HYDIN: variants seen among roughly 807,000 people sequenced by gnomAD.
HYDIN encodes HYDIN axonemal central pair apparatus protein, also known as axonemal central pair apparatus protein HYDIN.
HYDIN carries 132 observed loss-of-function variants against 403.9 expected under a neutral mutation model. That is an observed-to-expected ratio of 0.33 (90% CI 0.28 to 0.38). HYDIN has a LOEUF of 0.38. Ranked by LOEUF, HYDIN falls within the 10% of genes least tolerant of loss-of-function variation. HYDIN has a pLI of 1.00. For missense variants in HYDIN, 2,827 were observed against 5,009.5 expected (o/e 0.56, Z 13.15); for synonymous variants, 1,202 against 1,891.7 (o/e 0.64, Z 9.46).
At chr16:71,225,154 A>G (rs1339848655) in intron 1 of HYDIN, among the ~76,000 whole-genome samples, 2 of 152,206 alleles carry the variant, frequency 1.3e-5, no homozygotes, top group African/African-American at 4.8e-5. Context: ...AGAGCTCTGA[A>G]GTTGAATGAG....
In HYDIN at chr16:71,011,876, T is replaced by C. The variant is rs544023252; in HGVS notation, c.3644+6253A>G. The stretch of plus-strand genomic sequence containing the variant: ...CATATTGGCTGGCTGGCGCTCATCA[T>C]AGAAAAATCAGTGTGAGAATAACAT... On this transcript the variant is annotated intron_variant, in intron 23 of 85. Coordinates refer to ENST00000393567, the MANE Select transcript of HYDIN (RefSeq NM_001270974.2). Among the ~76,000 whole-genome samples, 71 of 151,690 alleles carry C rather than the reference T, an allele frequency of 4.7e-4. No individual in the cohort carries two copies. In the South Asian group the frequency reaches 5.5e-3, roughly 12 times the overall value.
At chr16:71,094,658 G>A (rs1207335228) in intron 10 of HYDIN, among the ~76,000 whole-genome samples, 5 of 152,284 alleles carry the variant, frequency 3.3e-5, no homozygotes, top group African/African-American at 7.2e-5. Context: ...GCATTTTTAC[G>A]TACACACACA....
chr16:70,850,921 T>G (rs998782395), intron 73 of HYDIN, among the ~76,000 whole-genome samples: 1 of 151,814 alleles, frequency 6.6e-6, no homozygotes, highest in Admixed American at 6.6e-5. Context: ...TCAACAAAAA[T>G]AAGCAATGAG....
chr16:70,923,948 G>A (rs1472278685), intron 45 of HYDIN, among the ~76,000 whole-genome samples: 1 of 151,822 alleles, frequency 6.6e-6, no homozygotes, highest in African/African-American at 2.4e-5. Context: ...GGTTGATTGA[G>A]GAAAAACAAA....
At chr16:71,036,907 A>C (rs1315737734) in intron 18 of HYDIN, among the ~76,000 whole-genome samples, 1 of 152,088 alleles carries the variant, frequency 6.6e-6, no homozygotes, top group Non-Finnish European at 1.5e-5. Flanking sequence ...CTGTTATTAA[A>C]TGGAAAATTT....
At chr16:71,020,910 T>C (rs1361885797) in intron 21 of HYDIN, among the ~76,000 whole-genome samples, 1 of 151,102 alleles carries the variant, frequency 6.6e-6, no homozygotes, top group East Asian at 1.9e-4. Flanking sequence ...ACCCCCTTGG[T>C]GCCTAATTGA....
chr16:70,838,085 C>T (rs1259900305), intron 76 of HYDIN, among the ~76,000 whole-genome samples, 197 bp from the exon 77 acceptor site: 1 of 152,142 alleles, frequency 6.6e-6, no homozygotes, highest in Non-Finnish European at 1.5e-5. Flanking sequence ...AACCAAGTTG[C>T]TCCAAGTCAC....
At chr16:70,942,956 T>C (rs2077728128) in intron 42 of HYDIN, among the ~76,000 whole-genome samples, 2 of 152,244 alleles carry the variant, frequency 1.3e-5, no homozygotes, top group East Asian at 3.9e-4. Flanking sequence ...GATGTACCTT[T>C]AATGTAGTAG....
chr16:70,992,331 T>G, intron 23 of HYDIN, 121 bp from the exon 24 acceptor site: 1 of 1,386,348 alleles, frequency 7.2e-7, no homozygotes, highest in Non-Finnish European at 9.5e-7. Context: ...GCAGATCTAG[T>G]AGGGACCACC....
chr16:71,000,306 A>C (rs1014109504), intron 23 of HYDIN, among the ~76,000 whole-genome samples: 13 of 149,432 alleles, frequency 8.7e-5, no homozygotes, highest in Non-Finnish European at 1.9e-4. Flanking sequence ...AAACATCGGG[A>C]AAATGCCTTA....
chr16:71,182,419 G>T (rs2086946503), intron 3 of HYDIN, among the ~76,000 whole-genome samples: 1 of 152,068 alleles, frequency 6.6e-6, no homozygotes, highest in South Asian at 2.1e-4. Context: ...TGGTGGTGGA[G>T]AACATGGTGA....
chr16:71,137,932 T>TACACAC (rs371606318), intron 7 of HYDIN, among the ~76,000 whole-genome samples: 1 of 148,592 alleles, frequency 6.7e-6, no homozygotes, highest in African/African-American at 2.5e-5. Flanking sequence ...CACACACACA[T>TACACAC]ACACACACAC....
intron 23 of HYDIN, among the ~76,000 whole-genome samples, chr16:70,997,116 A>C (rs2079556500): frequency 6.6e-6 from 1 of 151,008 alleles, no homozygotes; most frequent in Non-Finnish European, 1.5e-5. Context: ...GCAGTTCACA[A>C]TAGGGTTTGT....
intron 38 of HYDIN, among the ~76,000 whole-genome samples, chr16:70,960,506 C>G (rs2078378637): frequency 1.4e-5 from 2 of 144,274 alleles, no homozygotes; most frequent in South Asian, 2.3e-4. Flanking sequence ...AAAAAGCAAG[C>G]TGCAGGATCA....
At chr16:71,069,166 G>A in intron 14 of HYDIN, 101 bp downstream of exon 14, 1 of 1,314,730 alleles carries the variant, frequency 7.6e-7, no homozygotes, top group Non-Finnish European at 1.1e-6. Flanking sequence ...ACCCCCTCCT[G>A]CTGACACTGG....
intron 1 of HYDIN, among the ~76,000 whole-genome samples, chr16:71,209,952 C>G (rs2088496319): frequency 6.6e-6 from 1 of 152,154 alleles, no homozygotes; most frequent in South Asian, 2.1e-4. Context: ...TTAAAGGGGC[C>G]ATACTGCCCA....
At chr16:70,964,465 G>A (rs889188265) in intron 37 of HYDIN, among the ~76,000 whole-genome samples, 2 of 151,870 alleles carry the variant, frequency 1.3e-5, no homozygotes, top group African/African-American at 4.8e-5. Flanking sequence ...TCCAGCAAGT[G>A]TTCTTCCATC....
chr16:70,960,728 T>C (rs1478299833), intron 38 of HYDIN, among the ~76,000 whole-genome samples: 1 of 152,252 alleles, frequency 6.6e-6, no homozygotes, highest in Non-Finnish European at 1.5e-5. Context: ...CATCTCGCTC[T>C]GTTGCCAGGC....
At chr16:71,165,838 G>A (rs2086200150) in intron 5 of HYDIN, among the ~76,000 whole-genome samples, 1 of 149,912 alleles carries the variant, frequency 6.7e-6, no homozygotes, top group Non-Finnish European at 1.5e-5. Flanking sequence ...CTGTCTGGGG[G>A]AAGTGTGATT....
Sources: allele counts gnomAD v4.1 joint callset (sites outside exome capture counted in the v4.1 genomes callset), GRCh38; gene constraint gnomAD v4.1.1; transcripts MANE v1.5; gene names NCBI Gene and HGNC (gene_info 2026-07-23, HGNC 2026-07-21).